The following ANXA8 variants were observed in gnomAD, a reference collection of about 807,000 sequenced individuals.
The protein encoded by ANXA8 is annexin A8.
In ANXA8, 9 loss-of-function variants were observed where a neutral mutation model predicts 26.8. The observed-to-expected ratio is 0.34, with a 90% confidence interval of 0.20 to 0.59. The LOEUF (loss-of-function observed/expected upper bound fraction) is 0.59. Ranked by LOEUF, ANXA8 falls within the 20% of genes least tolerant of loss-of-function variation. The probability of loss-of-function intolerance (pLI) is 0.84; values close to 1 mark genes in which losing one functional copy is unlikely to be tolerated. For synonymous variants in ANXA8, 39 were observed against 94.8 expected (o/e 0.41, Z 3.42); for missense variants, 83 against 238.5 (o/e 0.35, Z 4.29).
the ANXA8 span, among the ~76,000 whole-genome samples, chr10:47,685,365 A>C: frequency 5.7e-5 from 8 of 140,274 alleles, no homozygotes; most frequent in African/African-American, 1.8e-4. Context: ...AAAAAAAGAA[A>C]AAGAAAAAAA....
the ANXA8 span, among the ~76,000 whole-genome samples, chr10:47,566,898 G>A: frequency 1.3e-3 from 180 of 142,804 alleles, 2 homozygotes; most frequent in East Asian, 5.7e-3. Flanking sequence ...CTGCAGGAGA[G>A]GAGCTTGGCC....
At chr10:47,673,204 G>A in the ANXA8 span, among the ~76,000 whole-genome samples, 1 of 151,688 alleles carries the variant, frequency 6.6e-6, no homozygotes, top group Non-Finnish European at 1.5e-5. Flanking sequence ...GAATGTTCAG[G>A]AGTAGTAAGC....
the ANXA8 span, among the ~76,000 whole-genome samples, chr10:47,698,220 T>C: frequency 6.9e-6 from 1 of 145,822 alleles, no homozygotes; most frequent in African/African-American, 2.6e-5. Flanking sequence ...ATCTTTGAGA[T>C]ATTCAAGTGG....
the ANXA8 span, among the ~76,000 whole-genome samples, chr10:47,705,803 C>T: frequency 0.075 from 9,914 of 131,812 alleles, 89 homozygotes; most frequent in African/African-American, 0.16. Context: ...CAGTTGTTTT[C>T]CTTCTGAAAG....
At chr10:47,702,343 C>CTT in the ANXA8 span, among the ~76,000 whole-genome samples, 87 of 140,132 alleles carry the variant, frequency 6.2e-4, no homozygotes, top group African/African-American at 2.1e-3. Context: ...CTTTTCTTTT[C>CTT]TTTTTTTTTT....
the ANXA8 span, among the ~76,000 whole-genome samples, chr10:47,646,575 C>G: frequency 1.3e-5 from 2 of 151,206 alleles, no homozygotes; most frequent in Non-Finnish European, 2.9e-5. Flanking sequence ...GAGACAGAAA[C>G]AGGCCAATAA....
the ANXA8 span, among the ~76,000 whole-genome samples, chr10:47,510,757 G>A: frequency 8.9e-6 from 1 of 112,202 alleles, no homozygotes; most frequent in Non-Finnish European, 1.7e-5. Flanking sequence ...GCGAACCCAG[G>A]AGGCAGAGCT....
chr10:47,734,754 C>T, the ANXA8 span, among the ~76,000 whole-genome samples: 2 of 134,968 alleles, frequency 1.5e-5, no homozygotes, highest in Non-Finnish European at 3.1e-5. Context: ...CACAGTGGCT[C>T]ACGCCTATAA....
chr10:47,956,235 GAAAGT>G, the ANXA8 span: 307 of 55,408 alleles, frequency 5.5e-3, no homozygotes, highest in African/African-American at 0.028. Context: ...AAATAATCAT[GAAAGT>G]ATAGTATAGT....
chr10:47,729,062 C>CT, the ANXA8 span, among the ~76,000 whole-genome samples: 1 of 144,900 alleles, frequency 6.9e-6, no homozygotes, highest in Admixed American at 6.9e-5. Flanking sequence ...CCTATCTCTT[C>CT]TTTTTTGCAT....
At chr10:47,729,658 G>A in the ANXA8 span, among the ~76,000 whole-genome samples, 15 of 151,610 alleles carry the variant, frequency 9.9e-5, no homozygotes, top group Admixed American at 2.0e-4. Context: ...AAGAGCACTC[G>A]TCTGATGTAC....
the ANXA8 span, among the ~76,000 whole-genome samples, chr10:47,707,499 A>G: frequency 0.028 from 3,929 of 141,962 alleles, 184 homozygotes; most frequent in African/African-American, 0.092. Flanking sequence ...AGATTCTTCT[A>G]CCTCAGCCTC....
upstream of ANXA8, among the ~76,000 whole-genome samples, chr10:47,488,852 C>T (rs1373530685): frequency 3.2e-4 from 46 of 145,752 alleles, no homozygotes; most frequent in African/African-American, 5.1e-4. Context: ...CTCAGCCTCC[C>T]GAGTAGCTAG....
chr10:47,676,154 G>A, the ANXA8 span, among the ~76,000 whole-genome samples: 3 of 151,576 alleles, frequency 2.0e-5, no homozygotes, highest in Non-Finnish European at 4.4e-5. Flanking sequence ...GAAAAAGTCA[G>A]GGAGGGGTAG....
chr10:47,720,197 A>G, the ANXA8 span: 1 of 1,043,838 alleles, frequency 9.6e-7, no homozygotes, highest in Non-Finnish European at 1.3e-6. Context: ...TGAGTGATAG[A>G]TAGCTATTTA....
the ANXA8 span, among the ~76,000 whole-genome samples, chr10:47,626,739 G>A: frequency 1.3e-5 from 2 of 150,272 alleles, no homozygotes; most frequent in African/African-American, 2.5e-5. Flanking sequence ...AAACATTAAT[G>A]TGGTTAATTG....
chr10:47,760,944 G>A, the ANXA8 span: 2 of 1,517,902 alleles, frequency 1.3e-6, no homozygotes, highest in Non-Finnish European at 1.8e-6. Flanking sequence ...CCAGAGTCAG[G>A]GAGACAACAT....
chr10:47,525,802 A>ATTTTT, the ANXA8 span, among the ~76,000 whole-genome samples: 2 of 80,516 alleles, frequency 2.5e-5, no homozygotes, highest in South Asian at 3.9e-4. Flanking sequence ...GCTGAACACT[A>ATTTTT]TTTTTTTTTT....
At chr10:47,498,453 A>G in the ANXA8 span, among the ~76,000 whole-genome samples, 1 of 142,460 alleles carries the variant, frequency 7.0e-6, no homozygotes, top group African/African-American at 2.6e-5. Context: ...CCACTGCTAT[A>G]AATATCAGTG....
Sources: gnomAD v4.1 joint callset for allele counts (sites outside exome capture counted in the v4.1 genomes callset) on GRCh38, gnomAD v4.1.1 for gene constraint, MANE v1.5 for transcripts, NCBI Gene and HGNC (gene_info 2026-07-23, HGNC 2026-07-21) for gene names.